UVRAG: variants seen among roughly 807,000 people sequenced by gnomAD.
The protein encoded by UVRAG is UV radiation resistance-associated gene protein.
A neutral mutation model predicts 78.0 loss-of-function variants in UVRAG; 19 were observed. The observed-to-expected ratio is 0.24, with a 90% CI of 0.17 to 0.36. UVRAG has a LOEUF of 0.36. UVRAG is among the 10% of genes least tolerant of loss of function. UVRAG has a pLI of 1.00. For missense variants in UVRAG, 740 were observed against 853.8 expected, an observed-to-expected ratio of 0.87 and a Z score of 1.66; for synonymous variants, 323 against 324.6, an observed-to-expected ratio of 1.00 and a Z score of 0.05.
intron 14 of UVRAG, among the ~76,000 whole-genome samples, chr11:76,130,562 C>T (rs1361526621): frequency 4.6e-5 from 7 of 152,282 alleles, no homozygotes; most frequent in Middle Eastern, 3.4e-3. Context: ...AATTAAATTG[C>T]GGCAAATTGC....
chr11:75,996,909 G>T (rs1191126610), intron 8 of UVRAG, among the ~76,000 whole-genome samples: 1 of 152,160 alleles, frequency 6.6e-6, no homozygotes, highest in Non-Finnish European at 1.5e-5. Context: ...CAAGCCAATT[G>T]TGTAGAGGTA....
chr11:75,837,856 G>A (rs1945819224), intron 1 of UVRAG, among the ~76,000 whole-genome samples: 1 of 152,110 alleles, frequency 6.6e-6, no homozygotes, highest in African/African-American at 2.4e-5. Flanking sequence ...CTATTAAAAA[G>A]TTTTAAAAAA....
intron 2 of UVRAG, among the ~76,000 whole-genome samples, chr11:75,854,630 T>C (rs1285780073): frequency 1.3e-5 from 2 of 152,194 alleles, no homozygotes; most frequent in Non-Finnish European, 2.9e-5. Context: ...TTGGCCAGGC[T>C]GGTCTTGAGC....
chr11:75,871,403 C>T (rs1946648132), intron 3 of UVRAG, among the ~76,000 whole-genome samples: 1 of 151,582 alleles, frequency 6.6e-6, no homozygotes, highest in African/African-American at 2.4e-5. Context: ...TATCCCACCT[C>T]AGCCTCCCAA....
In UVRAG at chr11:75,980,490, A is replaced by G. The variant is rs11826966; in HGVS notation, c.700-2897A>G. On this transcript the variant is annotated intron_variant, in intron 7 of 14. Coordinates refer to ENST00000356136, the MANE Select transcript of UVRAG (RefSeq NM_003369.4). ...AATTGCTTTATTATCTCTTTTTCCT[A>G]CTGTGAGTTTTGGTAGATTGTCTTT... 9.4e-3 allele frequency among the ~76,000 whole-genome samples: 1,426 copies of G among 152,056 alleles called. 20 individuals are homozygous for G. Among genetic ancestry groups the G allele is most frequent in the African/African-American group, 0.033 (1,371 of 41,472 alleles).
chr11:76,005,878 A>G (rs547244999), intron 9 of UVRAG, among the ~76,000 whole-genome samples: 68 of 152,366 alleles, frequency 4.5e-4, no homozygotes, highest in African/African-American at 1.5e-3. Flanking sequence ...GATGGAAGGC[A>G]TGCATAGGGC....
At chr11:76,112,465 G>A (rs1385590808) in intron 13 of UVRAG, among the ~76,000 whole-genome samples, 1 of 152,108 alleles carries the variant, frequency 6.6e-6, no homozygotes, top group African/African-American at 2.4e-5. Context: ...ACCAAGATGA[G>A]GCAGTAGATC....
intron 13 of UVRAG, among the ~76,000 whole-genome samples, chr11:76,082,875 C>CA (rs1468109300): frequency 3.3e-5 from 5 of 151,768 alleles, no homozygotes; most frequent in African/African-American, 9.7e-5. Context: ...ACTAAAAATG[C>CA]AAAAAAATCC....
At chr11:76,129,995 G>A (rs1052199707) in intron 14 of UVRAG, among the ~76,000 whole-genome samples, 1 of 151,978 alleles carries the variant, frequency 6.6e-6, no homozygotes, top group African/African-American at 2.4e-5. Flanking sequence ...AACATGGCTT[G>A]TGGCTTCTGC....
At chr11:76,073,094 TA>T (rs949810853) in intron 13 of UVRAG, among the ~76,000 whole-genome samples, 2 of 152,126 alleles carry the variant, frequency 1.3e-5, no homozygotes, top group Non-Finnish European at 2.9e-5. Flanking sequence ...TATATATATT[TA>T]AAATGGGGTT....
intron 1 of UVRAG, among the ~76,000 whole-genome samples, chr11:75,845,798 T>C (rs1436827223): frequency 6.6e-6 from 1 of 151,880 alleles, no homozygotes; most frequent in Non-Finnish European, 1.5e-5. Context: ...CCCCAAACCC[T>C]GAGACATGCA....
At chr11:75,992,701 T>G (rs553643178) in intron 8 of UVRAG, among the ~76,000 whole-genome samples, 46 of 152,342 alleles carry the variant, frequency 3.0e-4, no homozygotes, top group African/African-American at 1.0e-3. Flanking sequence ...AGATACGTAC[T>G]TGTTCTTCAA....
intron 12 of UVRAG, among the ~76,000 whole-genome samples, chr11:76,040,298 C>T (rs1950620540): frequency 6.6e-6 from 1 of 151,408 alleles, no homozygotes; most frequent in African/African-American, 2.4e-5. Flanking sequence ...ACAGTGAAAC[C>T]CCGTCTCTAC....
chr11:76,045,581 A>C (rs1950736436), intron 12 of UVRAG, among the ~76,000 whole-genome samples: 1 of 152,180 alleles, frequency 6.6e-6, no homozygotes, highest in East Asian at 1.9e-4. Context: ...ACTATGTCCA[A>C]GAACAAAAAC....
chr11:75,985,333 T>C (rs538781498), intron 8 of UVRAG, among the ~76,000 whole-genome samples: 8 of 152,200 alleles, frequency 5.3e-5, no homozygotes, highest in Admixed American at 2.0e-4. Flanking sequence ...CATATGCTTC[T>C]TGCTGACTGA....
chr11:75,888,900 T>C lies in UVRAG; in HGVS notation c.504T>C (p.His168=), dbSNP rs1404243769. The C allele has an allele frequency of 6.2e-7, 1 of 1,612,518 alleles. No homozygotes were observed. Among genetic ancestry groups the C allele is most frequent in the African/African-American group, 1.3e-5 (1 of 74,862 alleles). ...GATACTATGGTGCTCCATTTGAACATAAGGTAAGAAGATCCTTCTAATGTT... is the reference window on the plus strand; with the variant it reads ...GATACTATGGTGCTCCATTTGAACACAAGGTAAGAAGATCCTTCTAATGTT... ...NDGYYGAPFE[H]KGYSNAQKTI... is the part of the protein sequence containing the mutation. The change falls in exon 5 of 15, where the codon CAT becomes CAC. Residue 168 remains histidine (H), a synonymous_variant. Transcript: ENST00000356136.
chr11:75,931,881 C>T (rs1041113827), intron 6 of UVRAG, among the ~76,000 whole-genome samples: 2 of 152,114 alleles, frequency 1.3e-5, no homozygotes, highest in Admixed American at 6.6e-5. Context: ...ATAATCAGCT[C>T]CTGTGCTTTG....
chr11:76,120,284 G>A (rs1367160388), intron 14 of UVRAG, among the ~76,000 whole-genome samples: 1 of 152,136 alleles, frequency 6.6e-6, no homozygotes, highest in African/African-American at 2.4e-5. Flanking sequence ...AGATGAAAAA[G>A]CATTTGGAAT....
At chr11:76,061,416 C>T (rs188290900) in intron 12 of UVRAG, among the ~76,000 whole-genome samples, 24 of 152,282 alleles carry the variant, frequency 1.6e-4, no homozygotes, top group Middle Eastern at 3.4e-3. Context: ...TGGCAACCCG[C>T]TGGGGTCCCC....
Sources: allele counts gnomAD v4.1 joint callset (sites outside exome capture counted in the v4.1 genomes callset), GRCh38; gene constraint gnomAD v4.1.1; transcripts MANE v1.5; gene names NCBI Gene and HGNC (gene_info 2026-07-23, HGNC 2026-07-21).